The following NMT2 variants were observed in gnomAD, a reference collection of about 807,000 sequenced individuals.
The protein encoded by NMT2 is N-myristoyltransferase 2.
Under a neutral mutation model 65.4 loss-of-function variants are expected in NMT2, and 35 were observed. That is an observed-to-expected ratio of 0.54 (90% CI 0.41 to 0.71). The LOEUF (loss-of-function observed/expected upper bound fraction) is 0.71, where lower values mean the gene tolerates loss of function less well. Among genes scored for constraint, NMT2 ranks in the 30% least tolerant of loss-of-function variants. The pLI is 0.00. For synonymous variants in NMT2, 226 were observed against 231.8 expected (o/e 0.98, Z 0.23); for missense variants, 489 against 611.3 (o/e 0.80, Z 2.11).
intron 8 of NMT2, among the ~76,000 whole-genome samples, chr10:15,120,513 C>T (rs1388656326): frequency 6.6e-6 from 1 of 152,098 alleles, no homozygotes; most frequent in Non-Finnish European, 1.5e-5. Flanking sequence ...TGCAAATACA[C>T]AATGCTACGC....
chr10:15,124,310 T>C (rs1433903344), intron 8 of NMT2, among the ~76,000 whole-genome samples: 1 of 152,206 alleles, frequency 6.6e-6, no homozygotes, highest in African/African-American at 2.4e-5. Flanking sequence ...CTTAGTATTT[T>C]AGGTAACAGT....
chr10:15,115,039 T>TA (rs1176631893), intron 9 of NMT2, among the ~76,000 whole-genome samples: 1 of 151,544 alleles, frequency 6.6e-6, no homozygotes, highest in African/African-American at 2.4e-5. Context: ...AAACTAAATC[T>TA]AAAAACAGAG....
At chr10:15,131,871 AT>A (rs869083149) in intron 6 of NMT2, among the ~76,000 whole-genome samples, 43 of 146,980 alleles carry the variant, frequency 2.9e-4, no homozygotes, top group South Asian at 4.3e-4. Context: ...TTTTTAAGTA[AT>A]TTTTTTTTTT....
In NMT2 at chr10:15,109,037, T is replaced by A. The variant is rs748184851; in HGVS notation, c.*158A>T. ...AAGTTTAACATTCTAGCTAGAAACGTACAAATGTCACATGTGGACTTTTGT... is the reference window on the plus strand; with the variant it reads ...AAGTTTAACATTCTAGCTAGAAACGAACAAATGTCACATGTGGACTTTTGT... On this transcript the variant is annotated 3_prime_UTR_variant, in exon 12 of 12. Transcript: ENST00000378165. 6 of 1,476,346 alleles carry A rather than the reference T, an allele frequency of 4.1e-6. No homozygotes were observed. Among genetic ancestry groups the A allele is most frequent in the Non-Finnish European group, 5.3e-6 (6 of 1,122,880 alleles). The allele number at this position is 1,476,346 out of a possible 1,614,324, so 91.5% of individuals were successfully genotyped here.
intron 7 of NMT2, among the ~76,000 whole-genome samples, 199 bp from the exon 8 acceptor site, chr10:15,128,657 G>T (rs541974735): frequency 6.6e-6 from 1 of 152,286 alleles, no homozygotes; most frequent in African/African-American, 2.4e-5. Context: ...ATGTTCCTCA[G>T]GAGTTTGTGA....
At chr10:15,143,325 A>G (rs531352565) in intron 1 of NMT2, among the ~76,000 whole-genome samples, 1 of 152,326 alleles carries the variant, frequency 6.6e-6, no homozygotes, top group South Asian at 2.1e-4. Context: ...CTAGGGGATT[A>G]TCCCTCTCCC....
rs1322798423 is a variant in NMT2, at chr10:15,107,646, G to A, written c.*1549C>T. 2.0e-6 allele frequency: 1 copy of A among 501,428 alleles called. No individual in the cohort carries two copies. The highest frequency in any genetic ancestry group is 2.1e-5 in the African/African-American group (1 of 47,306). 31.1% of individuals were successfully genotyped at this position (501,428 alleles called of 1,614,324 possible). Reference sequence around the variant, plus strand: ...CTTTTTGAATTTTTAGTAGAGATGGGGTTTCACCATGTTGGCCAGGCTGGT... The same window carrying A: ...CTTTTTGAATTTTTAGTAGAGATGGAGTTTCACCATGTTGGCCAGGCTGGT... On this transcript the variant is annotated 3_prime_UTR_variant, in exon 12 of 12. Transcript: ENST00000378165.
Position 15,128,355 on chromosome 10 carries a change from G to C in NMT2, c.994C>G (p.Pro332Ala). ...LQRTMKLYRL[P>A]DVTKTSGLRP... The stretch of plus-strand genomic sequence containing the variant: ...TGCAAATCATTCTTACTTACATCTG[G>C]AAGTCTGTATAGCTTCATTGTTCTC... Residue 332 changes from proline (P) to alanine (A), a missense_variant, in exon 8 of 12, where the codon CCA becomes GCA. Transcript: ENST00000378165. The C allele has an allele frequency of 6.5e-7, 1 of 1,540,166 alleles. No individual in the cohort carries two copies. Among genetic ancestry groups the C allele is most frequent in the South Asian group, 1.1e-5 (1 of 88,744 alleles).
chr10:15,135,238 T>G (rs12243440), intron 3 of NMT2, 36 bp downstream of exon 3: 7 of 1,607,852 alleles, frequency 4.4e-6, no homozygotes, highest in Non-Finnish European at 6.0e-6. Flanking sequence ...CCAGCTTTGT[T>G]TGTGGGGAAA....
intron 9 of NMT2, among the ~76,000 whole-genome samples, chr10:15,113,837 T>A (rs1845656418): frequency 6.6e-6 from 1 of 152,176 alleles, no homozygotes; most frequent in South Asian, 2.1e-4. Flanking sequence ...AGGGATACAA[T>A]GGATGACATT....
intron 3 of NMT2, 149 bp from the exon 4 acceptor site, chr10:15,133,512 A>G (rs1846361557): frequency 1.3e-5 from 8 of 639,010 alleles, no homozygotes; most frequent in Admixed American, 2.6e-5. Flanking sequence ...AGATGCTGTT[A>G]TATCAAGCGC....
At chr10:15,155,062 A>G (rs990464891) in intron 1 of NMT2, 2 of 1,302,010 alleles carry the variant, frequency 1.5e-6, no homozygotes, top group Admixed American at 3.4e-5. Context: ...TTCAGAATGA[A>G]GTTCTCATCA....
At chr10:15,124,262 G>A (rs1482603135) in intron 8 of NMT2, among the ~76,000 whole-genome samples, 4 of 152,180 alleles carry the variant, frequency 2.6e-5, no homozygotes, top group South Asian at 4.1e-4. Context: ...ACACTGAAAG[G>A]GTAGGGAGGC....
At chr10:15,123,531 G>GACAA (rs1845989321) in intron 8 of NMT2, among the ~76,000 whole-genome samples, 1 of 52,532 alleles carries the variant, frequency 1.9e-5, no homozygotes, top group African/African-American at 5.9e-5. Context: ...TCGTCTCACA[G>GACAA]AAAAAAAAAA....
intron 2 of NMT2, among the ~76,000 whole-genome samples, chr10:15,136,493 T>TGGAAGGAA (rs1205963402): frequency 6.8e-6 from 1 of 147,596 alleles, no homozygotes; most frequent in African/African-American, 2.5e-5. Context: ...GAAGGACAGA[T>TGGAAGGAA]GGAAGGAAGG....
At chr10:15,157,448 C>T (rs1282664661) in intron 1 of NMT2, among the ~76,000 whole-genome samples, 1 of 152,106 alleles carries the variant, frequency 6.6e-6, no homozygotes, top group Non-Finnish European at 1.5e-5. Context: ...GATGAAAAAC[C>T]AGATTCCGTG....
At chr10:15,150,959 C>T (rs1174551923) in intron 1 of NMT2, among the ~76,000 whole-genome samples, 1 of 152,132 alleles carries the variant, frequency 6.6e-6, no homozygotes, top group Non-Finnish European at 1.5e-5. Context: ...ACTAACTAGT[C>T]CCTCTTCTTA....
intron 1 of NMT2, among the ~76,000 whole-genome samples, chr10:15,160,422 C>T (rs1833148853): frequency 6.6e-6 from 1 of 152,122 alleles, no homozygotes; most frequent in African/African-American, 2.4e-5. Flanking sequence ...ACCATGAAAA[C>T]TTAAGACCCC....
At chr10:15,150,739 T>C (rs1411480515) in intron 1 of NMT2, among the ~76,000 whole-genome samples, 4 of 152,136 alleles carry the variant, frequency 2.6e-5, no homozygotes, top group African/African-American at 9.7e-5. Flanking sequence ...AGGCTACAGC[T>C]TTGGACAAAG....
Sources: allele counts gnomAD v4.1 joint callset (sites outside exome capture counted in the v4.1 genomes callset), GRCh38; gene constraint gnomAD v4.1.1; transcripts MANE v1.5; gene names NCBI Gene and HGNC (gene_info 2026-07-23, HGNC 2026-07-21).